KIAA0825: variants seen among roughly 807,000 people sequenced by gnomAD.
KIAA0825 encodes KIAA0825.
KIAA0825 carries 119 observed loss-of-function variants against 147.6 expected under a neutral mutation model. That is an observed-to-expected ratio of 0.81 (90% CI 0.69 to 0.94). The LOEUF is 0.94. KIAA0825 is among the 40% of genes least tolerant of loss of function. The probability of loss-of-function intolerance (pLI) is 0.00; values close to 1 mark genes in which losing one functional copy is unlikely to be tolerated. For synonymous variants in KIAA0825, 470 were observed against 518.1 expected (o/e 0.91, Z 1.26); for missense variants, 1,381 against 1,472.7 (o/e 0.94, Z 1.02).
chr5:94,167,333 T>C (rs1240934439), intron 20 of KIAA0825, among the ~76,000 whole-genome samples: 1 of 152,178 alleles, frequency 6.6e-6, no homozygotes, highest in African/African-American at 2.4e-5. Flanking sequence ...TTCTCAAAAA[T>C]AGAGTTGTTT....
At chr5:94,314,754 CT>C (rs1327417829) in intron 20 of KIAA0825, among the ~76,000 whole-genome samples, 1 of 151,496 alleles carries the variant, frequency 6.6e-6, no homozygotes, top group Admixed American at 6.6e-5. Flanking sequence ...AGGAGGCCTA[CT>C]ACTTTCTTTT....
In KIAA0825 at chr5:94,440,016, A is replaced by C. The variant is rs1756875953; in HGVS notation, c.2463T>G (p.Asp821Glu). The C allele has an allele frequency of 1.3e-6, 2 of 1,551,698 alleles. No individual in the cohort carries two copies. The highest frequency in any genetic ancestry group is 1.7e-6 in the Non-Finnish European group (2 of 1,146,866). Residue 821 changes from aspartate to glutamate, a missense_variant, in exon 14 of 21, where the codon GAT becomes GAG. Asp to Glu is a conservative substitution (Grantham distance 45). Coordinates refer to ENST00000682413, the MANE Select transcript of KIAA0825 (RefSeq NM_001145678.3). ...TCAGCAAGATTCTCAGTAAAAGTCC[A>C]TCATGATGCAGTAGGGTTTCCAGAA... ...NLLLETLLHH[D>E]GLLLRILLKS...
intron 6 of KIAA0825, among the ~76,000 whole-genome samples, chr5:94,484,301 C>T (rs1022188504): frequency 6.6e-6 from 1 of 151,462 alleles, no homozygotes; most frequent in East Asian, 1.9e-4. Context: ...TATAACATAT[C>T]GAAATCTGAA....
At chr5:94,478,871 G>A (rs764496582) in intron 6 of KIAA0825, among the ~76,000 whole-genome samples, 1 of 152,056 alleles carries the variant, frequency 6.6e-6, no homozygotes, top group Admixed American at 6.6e-5. Flanking sequence ...ACCATCAACT[G>A]TCAAAGTAGA....
chr5:94,291,347 C>A (rs1283024989), intron 20 of KIAA0825, among the ~76,000 whole-genome samples: 3 of 152,202 alleles, frequency 2.0e-5, no homozygotes, highest in African/African-American at 7.2e-5. Flanking sequence ...CCAGTTTTCA[C>A]AGCACTATTT....
Position 94,396,520 on chromosome 5 carries a change from AAAG to A in KIAA0825, c.2888-14_2888-12del. On this transcript the variant is annotated splice_polypyrimidine_tract_variant and intron_variant, in intron 16 of 20. Coordinates refer to ENST00000682413, the MANE Select transcript of KIAA0825 (RefSeq NM_001145678.3). ...TAAGCCTTGTGAAGCCTGGGGAAGA[AAAG>A]AAAAGGTATGATTAATATTAGCATT... 1 of 1,468,332 alleles carries A rather than the reference AAAG, an allele frequency of 6.8e-7. No individual in the cohort carries two copies. The highest frequency in any genetic ancestry group is 9.0e-7 in the Non-Finnish European group (1 of 1,110,972). The allele number at this position is 1,468,332 out of a possible 1,614,324, so 91.0% of individuals were successfully genotyped here.
chr5:94,373,759 A>C (rs182883421), intron 20 of KIAA0825, among the ~76,000 whole-genome samples: 16 of 152,310 alleles, frequency 1.1e-4, no homozygotes, highest in African/African-American at 3.6e-4. Context: ...ATGTTACTAC[A>C]TAAAATGAAG....
chr5:94,592,365 A>G (rs773296240), intron 1 of KIAA0825, among the ~76,000 whole-genome samples: 20 of 152,148 alleles, frequency 1.3e-4, no homozygotes, highest in Non-Finnish European at 2.5e-4. Flanking sequence ...AGGGCAGTCA[A>G]ATCTTAAAGC....
intron 3 of KIAA0825, 77 bp downstream of exon 3, chr5:94,536,919 G>T: frequency 1.0e-6 from 1 of 999,764 alleles, no homozygotes; most frequent in Non-Finnish European, 1.5e-6. Context: ...TCTAAGAGCA[G>T]GATACAAATA....
At chr5:94,305,769 A>G (rs1255540077) in intron 20 of KIAA0825, among the ~76,000 whole-genome samples, 1 of 151,976 alleles carries the variant, frequency 6.6e-6, no homozygotes. Flanking sequence ...CATGACTATC[A>G]TCAGAGACTC....
At position 94,470,112 on chromosome 5, in the gene KIAA0825, C is replaced by A; in HGVS notation, c.1722-1G>T. On this transcript the variant is annotated splice_acceptor_variant, in intron 9 of 20. Transcript: ENST00000682413. LOFTEE classifies it high-confidence loss of function. ...TTGGACAAGCACCAGGAATATGGGT[C>A]TGTTCAGAGAGAATGATCAAAGAGA... 6.4e-7 allele frequency: 1 copy of A among 1,550,598 alleles called. No homozygotes were observed. The highest frequency in any genetic ancestry group is 1.2e-5 in the South Asian group (1 of 83,858).
intron 20 of KIAA0825, among the ~76,000 whole-genome samples, chr5:94,279,761 G>A (rs981862): frequency 0.53 from 80,511 of 151,772 alleles, 21,599 homozygotes; most frequent in Admixed American, 0.62. Context: ...TGTCTTTGAA[G>A]AGCATATTAC....
chr5:94,480,846 G>A (rs1204331268), intron 6 of KIAA0825, among the ~76,000 whole-genome samples: 1 of 151,638 alleles, frequency 6.6e-6, no homozygotes, highest in Non-Finnish European at 1.5e-5. Flanking sequence ...AAATTAAAAT[G>A]GTTTAAAAAA....
chr5:94,283,892 C>G (rs1777561478), intron 20 of KIAA0825, among the ~76,000 whole-genome samples: 1 of 152,204 alleles, frequency 6.6e-6, no homozygotes, highest in African/African-American at 2.4e-5. Context: ...GAATAATCTA[C>G]TGATTTTCTA....
At chr5:94,236,798 T>C (rs1187445152) in intron 20 of KIAA0825, among the ~76,000 whole-genome samples, 1 of 152,228 alleles carries the variant, frequency 6.6e-6, no homozygotes, top group Non-Finnish European at 1.5e-5. Flanking sequence ...AAAATTATTA[T>C]GTCTTGCTGA....
At chr5:94,238,915 A>G (rs1271320280) in intron 20 of KIAA0825, among the ~76,000 whole-genome samples, 1 of 152,202 alleles carries the variant, frequency 6.6e-6, no homozygotes, top group Non-Finnish European at 1.5e-5. Flanking sequence ...TGAAATATCT[A>G]AGAAACTGTG....
intron 3 of KIAA0825, among the ~76,000 whole-genome samples, chr5:94,532,090 G>T (rs569747763): frequency 1.3e-5 from 2 of 152,122 alleles, no homozygotes; most frequent in African/African-American, 4.8e-5. Flanking sequence ...AATAGGCATG[G>T]TTAAATGTCT....
intron 5 of KIAA0825, among the ~76,000 whole-genome samples, chr5:94,488,026 C>T (rs1281813132): frequency 2.6e-5 from 4 of 152,138 alleles, no homozygotes; most frequent in South Asian, 2.1e-4. Context: ...TGGGTTAAAA[C>T]GATTCTCCTG....
At chr5:94,270,895 T>A (rs1776950697) in intron 20 of KIAA0825, among the ~76,000 whole-genome samples, 1 of 152,154 alleles carries the variant, frequency 6.6e-6, no homozygotes, top group Non-Finnish European at 1.5e-5. Flanking sequence ...TGACAAGATA[T>A]TAAGTCTCAA....
Sources: allele counts gnomAD v4.1 joint callset (sites outside exome capture counted in the v4.1 genomes callset), GRCh38; gene constraint gnomAD v4.1.1; transcripts MANE v1.5; gene names NCBI Gene and HGNC (gene_info 2026-07-23, HGNC 2026-07-21).